Variants in KPNA1 observed in about 807,000 individuals in gnomAD.
KPNA1 encodes the protein importin subunit alpha-5.
A neutral mutation model predicts 70.5 loss-of-function variants in KPNA1; 10 were observed. The ratio of observed to expected loss-of-function variants is 0.14; its 90% CI spans 0.09 to 0.24. The LOEUF is 0.24. Ranked by LOEUF, KPNA1 falls within the 10% of genes least tolerant of loss-of-function variation. The probability of loss-of-function intolerance (pLI) is 1.00; values close to 1 mark genes in which losing one functional copy is unlikely to be tolerated. For missense variants in KPNA1, 397 were observed against 637.9 expected (o/e 0.62, Z 4.07); for synonymous variants, 192 against 221.9 (o/e 0.87, Z 1.20).
chr3:122,461,456 C>T lies in KPNA1; in HGVS notation c.338-138G>A, dbSNP rs1475029390. The T allele has an allele frequency of 3.6e-5, 21 of 588,266 alleles. No homozygotes were observed. The Admixed American group carries it at 6.3e-4, about 18-fold the overall frequency. 36.4% of individuals were successfully genotyped at this position (588,266 alleles called of 1,614,324 possible). On this transcript the variant is annotated intron_variant, in intron 4 of 13. Coordinates refer to ENST00000344337, the MANE Select transcript of KPNA1 (RefSeq NM_002264.4). ...AATCTACCTAAAACAAATGAAATGTCAAATTGGGTTTATCACTTTGAGGAC... is the reference window on the plus strand; with the variant it reads ...AATCTACCTAAAACAAATGAAATGTTAAATTGGGTTTATCACTTTGAGGAC...
intron 1 of KPNA1, among the ~76,000 whole-genome samples, chr3:122,511,280 T>G (rs35337428): frequency 0.16 from 23,602 of 152,150 alleles, 2,414 homozygotes; most frequent in Admixed American, 0.26. Context: ...TAGGCACTCA[T>G]GGACTCAGCA....
intron 1 of KPNA1, among the ~76,000 whole-genome samples, chr3:122,504,333 G>A (rs1559765327): frequency 6.6e-6 from 1 of 152,134 alleles, no homozygotes; most frequent in Non-Finnish European, 1.5e-5. Flanking sequence ...ATAGCAGAAG[G>A]GGCTAAGGAG....
chr3:122,467,480 G>A (rs1038978436), intron 2 of KPNA1, 51 bp from the exon 3 acceptor site: 2 of 1,144,244 alleles, frequency 1.7e-6, no homozygotes, highest in Non-Finnish European at 2.6e-6. Context: ...TAACACAAGG[G>A]AGTTCAACAT....
chr3:122,474,090 T>C (rs1204064604), intron 2 of KPNA1, among the ~76,000 whole-genome samples: 1 of 152,154 alleles, frequency 6.6e-6, no homozygotes, highest in African/African-American at 2.4e-5. Flanking sequence ...AATTAAAAAG[T>C]GTCATTTACA....
chr3:122,504,899 T>C (rs1394790818), intron 1 of KPNA1, among the ~76,000 whole-genome samples: 2 of 151,852 alleles, frequency 1.3e-5, no homozygotes, highest in African/African-American at 2.4e-5. Context: ...ATTTGTTCTG[T>C]TGGGAGAGAC....
intron 11 of KPNA1, 40 bp from the exon 12 acceptor site, chr3:122,433,828 A>G (rs2075947999): frequency 6.8e-7 from 1 of 1,467,354 alleles, no homozygotes; most frequent in Non-Finnish European, 9.3e-7. Context: ...AAACTGTGAG[A>G]TTTATAAAAA....
At chr3:122,458,973 C>A (rs1162204718) in intron 5 of KPNA1, among the ~76,000 whole-genome samples, 2 of 152,112 alleles carry the variant, frequency 1.3e-5, no homozygotes, top group African/African-American at 4.8e-5. Context: ...TAAGACTATC[C>A]TCATAAAATC....
intron 6 of KPNA1, among the ~76,000 whole-genome samples, 196 bp from the exon 7 acceptor site, chr3:122,452,260 T>C (rs1326250155): frequency 2.6e-5 from 4 of 152,040 alleles, no homozygotes; most frequent in Non-Finnish European, 5.9e-5. Flanking sequence ...AAAGAACTAA[T>C]TCATTTTTGT....
At chr3:122,431,653 G>C (rs924682766) in intron 12 of KPNA1, among the ~76,000 whole-genome samples, 1 of 152,136 alleles carries the variant, frequency 6.6e-6, no homozygotes, top group Non-Finnish European at 1.5e-5. Flanking sequence ...TAGGAGGTTG[G>C]TAATTAATTT....
intron 2 of KPNA1, among the ~76,000 whole-genome samples, chr3:122,493,876 C>T (rs1382698981): frequency 6.6e-6 from 1 of 152,152 alleles, no homozygotes; most frequent in South Asian, 2.1e-4. Flanking sequence ...TGAGCCACCC[C>T]GCCCAGCCTC....
intron 2 of KPNA1, among the ~76,000 whole-genome samples, chr3:122,489,254 T>C (rs1028720396): frequency 6.6e-6 from 1 of 151,942 alleles, no homozygotes; most frequent in Non-Finnish European, 1.5e-5. Flanking sequence ...GGAGTTCAAA[T>C]TGAGTCTTTT....
At chr3:122,501,715 T>C (rs971853115) in intron 1 of KPNA1, among the ~76,000 whole-genome samples, 2 of 152,192 alleles carry the variant, frequency 1.3e-5, no homozygotes, top group Non-Finnish European at 2.9e-5. Context: ...TGCTGGCTGG[T>C]AGTGTGGTCT....
chr3:122,488,074 C>T (rs1212912966), intron 2 of KPNA1, among the ~76,000 whole-genome samples: 1 of 152,226 alleles, frequency 6.6e-6, no homozygotes, highest in Non-Finnish European at 1.5e-5. Context: ...AGTATGATAA[C>T]ACTATTCTGA....
chr3:122,503,957 G>T (rs964821764), intron 1 of KPNA1, among the ~76,000 whole-genome samples: 3 of 152,154 alleles, frequency 2.0e-5, no homozygotes, highest in Non-Finnish European at 4.4e-5. Flanking sequence ...GGGAAGGCAG[G>T]ATTAACAGGT....
chr3:122,500,177 A>G (rs1044309404), intron 1 of KPNA1, among the ~76,000 whole-genome samples: 2 of 152,094 alleles, frequency 1.3e-5, no homozygotes, highest in African/African-American at 2.4e-5. Flanking sequence ...GCTGGAGTGC[A>G]GTGGCGTAAT....
chr3:122,436,468 C>T (rs1246323783), intron 11 of KPNA1, among the ~76,000 whole-genome samples: 2 of 152,174 alleles, frequency 1.3e-5, no homozygotes, highest in East Asian at 1.9e-4. Flanking sequence ...CGGAACGTGC[C>T]GATATGTGAT....
At chr3:122,484,728 T>C (rs2076610157) in intron 2 of KPNA1, among the ~76,000 whole-genome samples, 1 of 152,146 alleles carries the variant, frequency 6.6e-6, no homozygotes, top group Admixed American at 6.6e-5. Flanking sequence ...TAAATGAAGA[T>C]ACTGTGCTCA....
intron 12 of KPNA1, among the ~76,000 whole-genome samples, chr3:122,430,968 A>C (rs1041310903): frequency 1.3e-5 from 2 of 152,094 alleles, no homozygotes; most frequent in African/African-American, 4.8e-5. Context: ...AAAACACTGC[A>C]TTCTCTCACT....
intron 2 of KPNA1, 104 bp from the exon 3 acceptor site, chr3:122,467,533 C>A: frequency 1.6e-6 from 1 of 612,068 alleles, no homozygotes; most frequent in Non-Finnish European, 2.8e-6. Flanking sequence ...CTTTGAAAAT[C>A]ATTTTTAAAA....
Sources: allele counts gnomAD v4.1 joint callset (sites outside exome capture counted in the v4.1 genomes callset), GRCh38; gene constraint gnomAD v4.1.1; transcripts MANE v1.5; gene names NCBI Gene and HGNC (gene_info 2026-07-23, HGNC 2026-07-21).